The following LTBP2 variants were observed in gnomAD, a reference collection of about 807,000 sequenced individuals.
LTBP2 encodes the protein latent-transforming growth factor beta-binding protein 2.
Under a neutral mutation model 210.6 loss-of-function variants are expected in LTBP2, and 103 were observed. The observed-to-expected ratio is 0.49, with a 90% CI of 0.42 to 0.58. The LOEUF is 0.58. LTBP2 is among the 20% of genes least tolerant of loss of function. The pLI, the probability that LTBP2 is intolerant of heterozygous loss-of-function variation, is 0.00. For synonymous variants in LTBP2, 1,007 were observed against 1,015.0 expected, an observed-to-expected ratio of 0.99 and a Z score of 0.15; for missense variants, 2,313 against 2,494.5, an observed-to-expected ratio of 0.93 and a Z score of 1.55.
In LTBP2 at chr14:74,528,653, GC is replaced by G; in HGVS notation, c.2197del (p.Ala733ArgfsTer9). 1 of 1,613,216 alleles carries G rather than the reference GC, an allele frequency of 6.2e-7. No homozygotes were observed. ...CATGGACAGGCGGATGTCGGAGCTC[GC>G]GTAGGTGTAGCCGTGGCCGGCAGGG... is the stretch of plus-strand genomic sequence containing the variant. Reference protein sequence around the residue: ...ICPAGHGYTYASSDIRLSMRK... With the variant: ...ICPAGHGYTYXSSDIRLSMRK... On this transcript the variant is annotated frameshift_variant, in exon 12 of 36. Transcript: ENST00000261978. LOFTEE classifies it high-confidence loss of function.
intron 19 of LTBP2, 37 bp downstream of exon 19, chr14:74,511,208 G>T: frequency 6.2e-7 from 1 of 1,612,930 alleles, no homozygotes; most frequent in South Asian, 1.1e-5. Context: ...TCCCAAGGCC[G>T]AATGGCTGGC....
At chr14:74,558,303 G>A (rs373979249) in intron 3 of LTBP2, among the ~76,000 whole-genome samples, 3 of 152,228 alleles carry the variant, frequency 2.0e-5, no homozygotes, top group Admixed American at 6.5e-5. Flanking sequence ...GCTGAGGCAC[G>A]AGAATCGCTT....
chr14:74,581,028 T>G (rs558103697), intron 3 of LTBP2, among the ~76,000 whole-genome samples: 1 of 152,074 alleles, frequency 6.6e-6, no homozygotes, highest in Non-Finnish European at 1.5e-5. Context: ...GGTGGGAGCA[T>G]CTCCAGCACA....
In LTBP2 at chr14:74,508,892, A is replaced by G. The variant is rs2087029286; in HGVS notation, c.3464T>C (p.Val1155Ala). The change falls in exon 23 of 36, where the codon GTG (valine) becomes GCG (alanine). Residue 1155 changes from valine to alanine, a missense_variant. Transcript: ENST00000261978. ...SCLGGECKNTVGSYQCLCPQG... is the reference protein window; with the variant it reads ...SCLGGECKNTAGSYQCLCPQG... ...GGGACAGAGGCACTGGTAGGAGCCC[A>G]CAGTGTTCTTGCACTCGCCTCCCAG... The G allele has an allele frequency of 1.5e-5, 24 of 1,613,756 alleles. No homozygotes were observed. The highest frequency in any genetic ancestry group is 2.0e-5 in the Non-Finnish European group (24 of 1,179,950).
intron 3 of LTBP2, among the ~76,000 whole-genome samples, chr14:74,574,130 T>C (rs568376922): frequency 2.2e-4 from 33 of 152,310 alleles, no homozygotes; most frequent in African/African-American, 7.5e-4. Context: ...TCCTAAATGT[T>C]ACTTTAGCAT....
intron 17 of LTBP2, 47 bp downstream of exon 17, chr14:74,521,864 C>T (rs756074894): frequency 1.2e-6 from 2 of 1,612,338 alleles, no homozygotes; most frequent in East Asian, 2.2e-5. Flanking sequence ...CTTCCACCCC[C>T]TCAAGACTGT....
At chr14:74,580,628 C>T (rs1167475042) in intron 3 of LTBP2, among the ~76,000 whole-genome samples, 1 of 152,186 alleles carries the variant, frequency 6.6e-6, no homozygotes, top group Non-Finnish European at 1.5e-5. Flanking sequence ...GCATAAATTT[C>T]TGCTATTTTA....
chr14:74,583,917 G>A (rs1450711499), intron 3 of LTBP2, among the ~76,000 whole-genome samples: 1 of 152,220 alleles, frequency 6.6e-6, no homozygotes, highest in Non-Finnish European at 1.5e-5. Context: ...ACCCACCATG[G>A]GAACCGGCAG....
At position 74,500,782 on chromosome 14, in the gene LTBP2, G is replaced by A; in HGVS notation, c.*102C>T. ...CAGGCAAGGCTGATTGGAAACCTCT[G>A]GCCTGATGTCACGGTGTCTTCCCAG... is the stretch of plus-strand genomic sequence containing the variant. On this transcript the variant is annotated 3_prime_UTR_variant, in exon 36 of 36. Transcript: ENST00000261978. 6.7e-7 allele frequency: 1 copy of A among 1,494,326 alleles called. No individual in the cohort carries two copies. Among genetic ancestry groups the A allele is most frequent in the Non-Finnish European group, 9.3e-7 (1 of 1,075,594 alleles). The allele number at this position is 1,494,326 out of a possible 1,614,324, so 92.6% of individuals were successfully genotyped here. A position where few individuals can be genotyped will look rare whatever the true frequency, so the allele number is the denominator to read the frequency against.
chr14:74,553,239 G>A (rs1261026467), intron 4 of LTBP2, among the ~76,000 whole-genome samples, 177 bp from the exon 5 acceptor site: 4 of 152,192 alleles, frequency 2.6e-5, no homozygotes, highest in Admixed American at 6.5e-5. Context: ...TGAGAAGCTC[G>A]CAGATGTGCC....
In LTBP2 at chr14:74,581,085, C is replaced by G. The variant is rs747669527; in HGVS notation, c.830+4769G>C. On this transcript the variant is annotated intron_variant, in intron 3 of 35. Coordinates refer to ENST00000261978, the MANE Select transcript of LTBP2 (RefSeq NM_000428.3). ...TGGCAGAGCAGAAGCAGGATGAACA[C>G]GGGCTGTGAGTGGTGAGGGTGGACA... is the stretch of plus-strand genomic sequence containing the variant. Among the ~76,000 whole-genome samples, 4 of 152,306 alleles carry G rather than the reference C, an allele frequency of 2.6e-5. No individual in the cohort carries two copies. In the South Asian group the frequency reaches 6.2e-4, roughly 24 times the overall value.
At chr14:74,524,280 G>A (rs899277664) in intron 15 of LTBP2, among the ~76,000 whole-genome samples, 3 of 152,166 alleles carry the variant, frequency 2.0e-5, no homozygotes, top group Non-Finnish European at 4.4e-5. Flanking sequence ...GAGGAGAGAG[G>A]TCCCAGGAGA....
chr14:74,505,307 C>T, intron 28 of LTBP2, 133 bp from the exon 29 acceptor site: 3 of 923,142 alleles, frequency 3.2e-6, no homozygotes, highest in South Asian at 1.4e-5. Context: ...CCTGTATTAC[C>T]TCACTGAGGC....
At chr14:74,583,826 G>A (rs774926954) in intron 3 of LTBP2, among the ~76,000 whole-genome samples, 18 of 152,316 alleles carry the variant, frequency 1.2e-4, no homozygotes, top group South Asian at 2.1e-4. Context: ...GTGAGCTCCC[G>A]GGTAGCTCCT....
rs776131072 is a variant in LTBP2 at position 74,611,622 on chromosome 14, C to T, written c.323G>A (p.Arg108His). The T allele has an allele frequency of 1.9e-6, 3 of 1,560,162 alleles. No individual in the cohort carries two copies. In the Admixed American group the frequency reaches 5.5e-5, roughly 29 times the overall value. The change falls in exon 1 of 36, where the codon CGC becomes CAC. Residue 108 changes from arginine (R) to histidine (H), a missense_variant. Physicochemically the swap from Arg to His is conservative, Grantham distance 29 (BLOSUM62 0). Coordinates refer to ENST00000261978, the MANE Select transcript of LTBP2 (RefSeq NM_000428.3). ...CTGGACACGCCGCGACTGCTGCGCGCGGGACGGCCTCCTGGCCTCCGCCTC... is the reference window on the plus strand; with the variant it reads ...CTGGACACGCCGCGACTGCTGCGCGTGGGACGGCCTCCTGGCCTCCGCCTC... ...PTEAEARRPSRAQQSRRVQPP... is the reference protein window; with the variant it reads ...PTEAEARRPSHAQQSRRVQPP...
intron 6 of LTBP2, 109 bp from the exon 7 acceptor site, chr14:74,551,459 G>A: frequency 9.3e-7 from 1 of 1,078,426 alleles, no homozygotes; most frequent in East Asian, 2.6e-5. Context: ...CTGGCTATGT[G>A]TCACCCCAAA....
intron 8 of LTBP2, among the ~76,000 whole-genome samples, chr14:74,543,535 CTTT>C (rs772827961): frequency 8.1e-6 from 1 of 123,224 alleles, no homozygotes; most frequent in African/African-American, 4.9e-5. Flanking sequence ...CCTTCCCTCC[CTTT>C]TTCCTCCCTC....
intron 17 of LTBP2, among the ~76,000 whole-genome samples, chr14:74,519,470 A>G (rs1161334723): frequency 1.3e-5 from 2 of 151,512 alleles, no homozygotes; most frequent in Non-Finnish European, 2.9e-5. Context: ...TAGATATTTA[A>G]TATGTAAATA....
At chr14:74,576,371 T>C (rs999365911) in intron 3 of LTBP2, among the ~76,000 whole-genome samples, 3 of 152,104 alleles carry the variant, frequency 2.0e-5, no homozygotes, top group Non-Finnish European at 4.4e-5. Context: ...GATATGTCAG[T>C]GAACAAAACA....
Sources: gnomAD v4.1 joint callset for allele counts (sites outside exome capture counted in the v4.1 genomes callset) on GRCh38, gnomAD v4.1.1 for gene constraint, MANE v1.5 for transcripts, NCBI Gene and HGNC (gene_info 2026-07-23, HGNC 2026-07-21) for gene names.